The following PKNOX2 variants were observed in gnomAD, a reference collection of about 807,000 sequenced individuals.
PKNOX2 encodes the protein PBX/knotted 1 homeobox 2, also known as homeobox protein PKNOX2.
PKNOX2 carries 14 observed loss-of-function variants against 53.1 expected under a neutral mutation model. The observed-to-expected ratio is 0.26, with a 90% CI of 0.17 to 0.41. PKNOX2 has a LOEUF of 0.41. Ranked by LOEUF, PKNOX2 falls within the 10% of genes least tolerant of loss-of-function variation. The pLI is 1.00. For synonymous variants in PKNOX2, 257 were observed against 242.8 expected, an observed-to-expected ratio of 1.06 and a Z score of -0.54; for missense variants, 496 against 602.8, an observed-to-expected ratio of 0.82 and a Z score of 1.85.
At chr11:125,299,531 G>A (rs1947888154) in intron 2 of PKNOX2, among the ~76,000 whole-genome samples, 1 of 152,092 alleles carries the variant, frequency 6.6e-6, no homozygotes, top group African/African-American at 2.4e-5. Flanking sequence ...GGAGAGGTGG[G>A]TTTGGGCACT....
chr11:125,345,580 G>A (rs900724096), intron 3 of PKNOX2, among the ~76,000 whole-genome samples: 2 of 152,058 alleles, frequency 1.3e-5, no homozygotes, highest in African/African-American at 4.8e-5. Context: ...ACACGCCTTT[G>A]CTTCTTTAGA....
chr11:125,262,388 G>C (rs1393876129), intron 2 of PKNOX2, among the ~76,000 whole-genome samples: 2 of 151,906 alleles, frequency 1.3e-5, no homozygotes, highest in Non-Finnish European at 1.5e-5. Flanking sequence ...GGGAGGGAGC[G>C]CTATCTCACC....
intron 2 of PKNOX2, among the ~76,000 whole-genome samples, chr11:125,281,052 A>G (rs751316180): frequency 1.3e-5 from 2 of 152,154 alleles, no homozygotes; most frequent in African/African-American, 2.4e-5. Context: ...GGTGGATCAC[A>G]CTCCAAAGAC....
chr11:125,283,828 T>C (rs1052571571), intron 2 of PKNOX2, among the ~76,000 whole-genome samples: 3 of 152,178 alleles, frequency 2.0e-5, no homozygotes, highest in Non-Finnish European at 4.4e-5. Flanking sequence ...TGCTTGCTAA[T>C]TCGAGGCATT....
intron 2 of PKNOX2, chr11:125,259,089 A>C (rs1033980064): frequency 1.2e-5 from 2 of 161,624 alleles, no homozygotes; most frequent in Non-Finnish European, 2.8e-5. Flanking sequence ...CCACATCCAG[A>C]GTATTCATTC....
chr11:125,331,255 G>T (rs1950125026), intron 2 of PKNOX2, among the ~76,000 whole-genome samples: 1 of 152,208 alleles, frequency 6.6e-6, no homozygotes, highest in Non-Finnish European at 1.5e-5. Context: ...TGAGGCCACA[G>T]GTTAGCCTTT....
Position 125,385,539 on chromosome 11 carries a change from A to T in PKNOX2, c.228-12A>T, listed in dbSNP as rs1161705904. On this transcript the variant is annotated splice_polypyrimidine_tract_variant and intron_variant, in intron 5 of 12. Coordinates refer to ENST00000298282, the MANE Select transcript of PKNOX2 (RefSeq NM_001382323.2). ...GTGTGTGCGCATGTGTGAGCTCTTG[A>T]TGTCCCTGCAGGCACCCTCTTTTCC... The T allele has an allele frequency of 6.2e-7, 1 of 1,601,512 alleles. No homozygotes were observed. Among genetic ancestry groups the T allele is most frequent in the African/African-American group, 1.4e-5 (1 of 74,056 alleles).
At chr11:125,303,648 A>T (rs939512948) in intron 2 of PKNOX2, among the ~76,000 whole-genome samples, 15 of 152,236 alleles carry the variant, frequency 9.9e-5, no homozygotes, top group African/African-American at 3.1e-4. Context: ...CCACCCTTCA[A>T]CATTTCTCTT....
intron 5 of PKNOX2, among the ~76,000 whole-genome samples, chr11:125,382,112 A>G (rs1046261803): frequency 1.3e-5 from 2 of 152,216 alleles, no homozygotes; most frequent in African/African-American, 4.8e-5. Context: ...ACATACACAC[A>G]TATTGCATAC....
chr11:125,329,918 G>T (rs749906978), intron 2 of PKNOX2, among the ~76,000 whole-genome samples: 3 of 152,182 alleles, frequency 2.0e-5, no homozygotes, highest in African/African-American at 7.2e-5. Context: ...GCAGGAAGTC[G>T]TTGTACTTCT....
intron 2 of PKNOX2, among the ~76,000 whole-genome samples, chr11:125,237,434 A>G (rs1385265862): frequency 6.6e-6 from 1 of 152,224 alleles, no homozygotes; most frequent in African/African-American, 2.4e-5. Context: ...AACAGGATGA[A>G]GAATAGGAAT....
intron 2 of PKNOX2, among the ~76,000 whole-genome samples, chr11:125,241,571 G>A (rs1344069348): frequency 6.6e-6 from 1 of 152,148 alleles, no homozygotes; most frequent in Non-Finnish European, 1.5e-5. Flanking sequence ...TAAGAGAAAG[G>A]AGGGGACTGG....
Position 125,410,891 on chromosome 11 carries a change from G to C in PKNOX2, c.816+15G>C, listed in dbSNP as rs1470003165. On this transcript the variant is annotated intron_variant, in intron 9 of 12. Transcript: ENST00000298282. ...AGAACACACAGGTGAGTGTGTGTAGGTGTGTGCACATGTGCATGGTGTGGG... is the reference window on the plus strand; with the variant it reads ...AGAACACACAGGTGAGTGTGTGTAGCTGTGTGCACATGTGCATGGTGTGGG... 1.2e-6 allele frequency: 2 copies of C among 1,601,128 alleles called. No individual in the cohort carries two copies. Among genetic ancestry groups the C allele is most frequent in the South Asian group, 2.2e-5 (2 of 90,784 alleles).
intron 2 of PKNOX2, among the ~76,000 whole-genome samples, chr11:125,248,754 AC>A (rs1230169831): frequency 6.8e-6 from 1 of 147,994 alleles, no homozygotes; most frequent in Non-Finnish European, 1.5e-5. Context: ...TACAAGCCAC[AC>A]TACTGTACCA....
intron 4 of PKNOX2, among the ~76,000 whole-genome samples, chr11:125,361,158 T>G (rs1951904120): frequency 6.6e-6 from 1 of 152,198 alleles, no homozygotes; most frequent in Non-Finnish European, 1.5e-5. Flanking sequence ...AACAGATAGT[T>G]CAGATACTCT....
At chr11:125,419,734 A>T (rs2135614077) in intron 10 of PKNOX2, among the ~76,000 whole-genome samples, 1 of 152,042 alleles carries the variant, frequency 6.6e-6, no homozygotes, top group East Asian at 1.9e-4. Flanking sequence ...CCACTCAGCT[A>T]AGATCAGCTT....
intron 1 of PKNOX2, among the ~76,000 whole-genome samples, chr11:125,208,999 A>G (rs962122032): frequency 1.3e-5 from 2 of 152,026 alleles, no homozygotes; most frequent in African/African-American, 4.8e-5. Flanking sequence ...GAAGTGAGGA[A>G]GTGGCAGCTG....
intron 2 of PKNOX2, among the ~76,000 whole-genome samples, chr11:125,315,121 G>C (rs1177015563): frequency 6.6e-6 from 1 of 151,910 alleles, no homozygotes; most frequent in Non-Finnish European, 1.5e-5. Flanking sequence ...TCAGAGGGAG[G>C]CAGGAGGTTC....
At chr11:125,304,831 GAT>G (rs1491420175) in intron 2 of PKNOX2, among the ~76,000 whole-genome samples, 6 of 152,138 alleles carry the variant, frequency 3.9e-5, no homozygotes, top group African/African-American at 1.4e-4. Flanking sequence ...GGGTATTAGA[GAT>G]ACATCTGTGA....
Sources: allele counts gnomAD v4.1 joint callset (sites outside exome capture counted in the v4.1 genomes callset), GRCh38; gene constraint gnomAD v4.1.1; transcripts MANE v1.5; gene names NCBI Gene and HGNC (gene_info 2026-07-23, HGNC 2026-07-21).